Variants in KXD1 observed in about 807,000 individuals in gnomAD.
The protein encoded by KXD1 is kxDL motif-containing protein 1.
A neutral mutation model predicts 12.1 loss-of-function variants in KXD1; 5 were observed. That is an observed-to-expected ratio of 0.41 (90% CI 0.22 to 0.87). The LOEUF (loss-of-function observed/expected upper bound fraction) is 0.87. Among genes scored for constraint, KXD1 ranks in the 40% least tolerant of loss-of-function variants. KXD1 has a pLI of 0.31. For missense variants in KXD1, 193 were observed against 244.9 expected (o/e 0.79, Z 1.41); for synonymous variants, 98 against 100.5 (o/e 0.98, Z 0.15).
chr19:18,558,939 C>T (rs1977022561), intron 1 of KXD1: 1 of 146,954 alleles, frequency 6.8e-6, no homozygotes, highest in South Asian at 2.2e-4. Context: ...TACTGTGTCT[C>T]ACTGGTACTA....
At chr19:18,561,238 TAACAAACA>T (rs749425558) in intron 1 of KXD1, among the ~76,000 whole-genome samples, 23 of 151,484 alleles carry the variant, frequency 1.5e-4, no homozygotes, top group Non-Finnish European at 3.4e-4. Flanking sequence ...CCCTGTCTCT[TAACAAACA>T]AACAAACAAA....
chr19:18,566,966 TG>T (rs1167173556), intron 3 of KXD1, among the ~76,000 whole-genome samples, 165 bp from the exon 4 acceptor site: 3 of 152,154 alleles, frequency 2.0e-5, no homozygotes, highest in Non-Finnish European at 4.4e-5. Context: ...CCGTGGCTGC[TG>T]GGCCGAGCAC....
Position 18,568,478 on chromosome 19 carries a change from C to G in KXD1, c.378C>G (p.Thr126=). The change falls in exon 5 of 5, where the codon ACC becomes ACG. Residue 126 remains threonine, a synonymous_variant. Coordinates refer to ENST00000222307, the MANE Select transcript of KXD1 (RefSeq NM_024069.4). ...CCAGCACCACGACCACCATTGCCACCTCAGAACAGAGCACGGGCTCATGTG... is the reference window on the plus strand; with the variant it reads ...CCAGCACCACGACCACCATTGCCACGTCAGAACAGAGCACGGGCTCATGTG... ...IPPSTTTTIA[T]SEQSTGSCDT... The G allele has an allele frequency of 6.2e-7, 1 of 1,614,134 alleles. No homozygotes were observed. Among genetic ancestry groups the G allele is most frequent in the Non-Finnish European group, 8.5e-7 (1 of 1,180,022 alleles).
chr19:18,563,444 C>T (rs187258501), intron 2 of KXD1, among the ~76,000 whole-genome samples: 15 of 150,988 alleles, frequency 9.9e-5, no homozygotes, highest in African/African-American at 3.4e-4. Flanking sequence ...CCTCCTGGGT[C>T]AAGTGATTCT....
intron 1 of KXD1, chr19:18,558,531 C>T (rs575747365): frequency 3.9e-5 from 6 of 152,332 alleles, no homozygotes; most frequent in Middle Eastern, 3.4e-3. Context: ...CTTCTTCACA[C>T]TCCTCTTGGA....
At chr19:18,563,670 ATTTTTGTATT>A (rs1444414763) in intron 2 of KXD1, among the ~76,000 whole-genome samples, 1 of 151,834 alleles carries the variant, frequency 6.6e-6, no homozygotes, top group Admixed American at 6.6e-5. Context: ...CGGCCAGCTA[ATTTTTGTATT>A]TTTAGTAGAG....
chr19:18,565,394 G>A (rs1186800758), intron 3 of KXD1, among the ~76,000 whole-genome samples: 1 of 151,868 alleles, frequency 6.6e-6, no homozygotes, highest in African/African-American at 2.4e-5. Flanking sequence ...CACGCCTGGA[G>A]AATTTTTTGT....
intron 2 of KXD1, among the ~76,000 whole-genome samples, chr19:18,563,883 A>G (rs990817240): frequency 6.7e-6 from 1 of 148,884 alleles, no homozygotes; most frequent in Non-Finnish European, 1.5e-5. Flanking sequence ...CAACCTCCTA[A>G]AGTGCTGGTC....
chr19:18,567,684 A>G (rs1355655038), intron 4 of KXD1, among the ~76,000 whole-genome samples: 1 of 152,192 alleles, frequency 6.6e-6, no homozygotes, highest in Non-Finnish European at 1.5e-5. Context: ...TCTCTGGGGT[A>G]CCATTCCATG....
At chr19:18,567,297 TG>T in intron 4 of KXD1, 119 bp downstream of exon 4, 1 of 985,530 alleles carries the variant, frequency 1.0e-6, no homozygotes, top group Non-Finnish European at 1.6e-6. Context: ...GCAGTGGGTC[TG>T]GGGAAACCTG....
intron 2 of KXD1, among the ~76,000 whole-genome samples, chr19:18,563,247 T>C (rs12609505): frequency 0.49 from 74,808 of 151,828 alleles, 19,707 homozygotes; most frequent in East Asian, 0.66. Context: ...GAGGCTCTTC[T>C]CAGCTGTCAC....
chr19:18,566,192 T>G (rs1326451024), intron 3 of KXD1, among the ~76,000 whole-genome samples: 1 of 152,152 alleles, frequency 6.6e-6, no homozygotes, highest in Non-Finnish European at 1.5e-5. Flanking sequence ...GGCCCATGCC[T>G]GTAATCCCAG....
chr19:18,568,953 T>G lies in KXD1; in HGVS notation c.*322T>G. ...CCTGACGTCTGCTCTGAAGAATGCT[T>G]AGAAGGTTCCCAGACACCAGAGCCA... On this transcript the variant is annotated 3_prime_UTR_variant, in exon 5 of 5. Transcript: ENST00000222307. 5 of 354,132 alleles carry G rather than the reference T, an allele frequency of 1.4e-5. No homozygotes were observed. Among genetic ancestry groups the G allele is most frequent in the South Asian group, 3.5e-5 (1 of 28,390 alleles). The allele number at this position is 354,132 out of a possible 1,614,324, so 21.9% of individuals were successfully genotyped here. A position where few individuals can be genotyped will look rare whatever the true frequency, so the allele number is the denominator to read the frequency against.
chr19:18,567,409 A>G lies in KXD1; in HGVS notation c.301+231A>G, dbSNP rs374074153. On this transcript the variant is annotated intron_variant, in intron 4 of 4. Coordinates refer to ENST00000222307, the MANE Select transcript of KXD1 (RefSeq NM_024069.4). ...GCCCCGTGGGGAGGCCGCACAGGAG[A>G]ATGTGGATAAGCAGCATGACAATCC... 4.5e-5 allele frequency: 30 copies of G among 661,432 alleles called. 1 individual carries two copies. The Middle Eastern group carries it at 1.2e-3, about 27-fold the overall frequency. The allele number at this position is 661,432 out of a possible 1,614,324, so 41.0% of individuals were successfully genotyped here.
At chr19:18,559,177 G>A (rs3803916) in intron 1 of KXD1, 19,313 of 151,712 alleles carry the variant, frequency 0.13, 1,672 homozygotes, top group East Asian at 0.36. Context: ...TAGTAGAGAC[G>A]GGGGTTTCAC....
chr19:18,561,792 G>A (rs1246530490), intron 1 of KXD1: 1 of 301,178 alleles, frequency 3.3e-6, no homozygotes, highest in Non-Finnish European at 6.2e-6. Flanking sequence ...GGGAGGTGAT[G>A]GGATTCTAAT....
intron 1 of KXD1, among the ~76,000 whole-genome samples, chr19:18,561,160 T>C (rs1030793930): frequency 7.2e-5 from 11 of 152,030 alleles, no homozygotes; most frequent in Non-Finnish European, 1.0e-4. Flanking sequence ...CCTAGCACTT[T>C]GGGAGGCCAA....
At chr19:18,562,970 A>G (rs1471401577) in intron 2 of KXD1, among the ~76,000 whole-genome samples, 1 of 152,178 alleles carries the variant, frequency 6.6e-6, no homozygotes, top group East Asian at 1.9e-4. Context: ...AGCTTGTCCA[A>G]CCCTCGGCCT....
At chr19:18,562,212 A>G in intron 2 of KXD1, 55 bp downstream of exon 2, 10 of 1,382,508 alleles carry the variant, frequency 7.2e-6, no homozygotes, top group Non-Finnish European at 1.0e-5. Flanking sequence ...GCTGGCCAAC[A>G]TTCTTGTCTT....
Sources: allele counts gnomAD v4.1 joint callset (sites outside exome capture counted in the v4.1 genomes callset), GRCh38; gene constraint gnomAD v4.1.1; transcripts MANE v1.5; gene names NCBI Gene and HGNC (gene_info 2026-07-23, HGNC 2026-07-21).